Variants in ATXN7L1 observed in about 807,000 individuals in gnomAD.
The protein encoded by ATXN7L1 is ataxin-7-like protein 1.
ATXN7L1 carries 15 observed loss-of-function variants against 70.8 expected under a neutral mutation model. The ratio of observed to expected loss-of-function variants is 0.21; its 90% CI spans 0.14 to 0.33. The LOEUF (loss-of-function observed/expected upper bound fraction) is 0.33, where lower values mean the gene tolerates loss of function less well. ATXN7L1 is among the 10% of genes least tolerant of loss of function. The pLI is 1.00. For missense variants in ATXN7L1, 975 were observed against 1,097.1 expected, an observed-to-expected ratio of 0.89 and a Z score of 1.57; for synonymous variants, 440 against 445.1, an observed-to-expected ratio of 0.99 and a Z score of 0.14.
chr7:105,703,472 T>C lies in ATXN7L1; in HGVS notation c.356-38184A>G, dbSNP rs189798497. ...AGCCACATTCCAAATGTGGCCAGTTTAAGTTTTTCTGTTATCCATATTTGG... is the reference window on the plus strand; with the variant it reads ...AGCCACATTCCAAATGTGGCCAGTTCAAGTTTTTCTGTTATCCATATTTGG... On this transcript the variant is annotated intron_variant, in intron 3 of 11. Coordinates refer to ENST00000419735, the MANE Select transcript of ATXN7L1 (RefSeq NM_020725.2). Among the ~76,000 whole-genome samples the C allele has an allele frequency of 4.2e-3, 638 of 152,356 alleles. 9 individuals carry two copies. Among genetic ancestry groups the C allele is most frequent in the African/African-American group, 0.014 (592 of 41,584 alleles).
chr7:105,700,410 G>A (rs1792289449), intron 3 of ATXN7L1, among the ~76,000 whole-genome samples: 1 of 150,422 alleles, frequency 6.6e-6, no homozygotes, highest in Non-Finnish European at 1.5e-5. Flanking sequence ...AGGAGGCTGA[G>A]GCAGGAGAAT....
chr7:105,872,850 A>C (rs1025826734), intron 2 of ATXN7L1, among the ~76,000 whole-genome samples: 1 of 152,182 alleles, frequency 6.6e-6, no homozygotes, highest in Non-Finnish European at 1.5e-5. Context: ...CAAAAAAAAA[A>C]AAACATCAAA....
At chr7:105,661,534 G>C (rs1801610156) in intron 4 of ATXN7L1, among the ~76,000 whole-genome samples, 1 of 152,182 alleles carries the variant, frequency 6.6e-6, no homozygotes, top group African/African-American at 2.4e-5. Flanking sequence ...GAAGTAAAGT[G>C]ACTTTTTCAA....
rs992746013 is a variant in ATXN7L1, at chr7:105,644,948, G to A, written c.579-1827C>T. ...TTAAAAAGGAAGGAAATTCTGACAC[G>A]GGCAGGAGCCTTGAAGACATTATGT... On this transcript the variant is annotated intron_variant, in intron 4 of 11. Coordinates refer to ENST00000419735, the MANE Select transcript of ATXN7L1 (RefSeq NM_020725.2). Among the ~76,000 whole-genome samples the A allele has an allele frequency of 1.3e-5, 2 of 152,178 alleles. 1 individual carries two copies. The highest frequency in any genetic ancestry group is 4.1e-4 in the South Asian group (2 of 4,828).
intron 3 of ATXN7L1, among the ~76,000 whole-genome samples, chr7:105,745,713 T>C (rs1409805616): frequency 6.6e-6 from 1 of 152,140 alleles, no homozygotes; most frequent in Non-Finnish European, 1.5e-5. Flanking sequence ...GCTGGGCCTG[T>C]TGGGAGGGGC....
chr7:105,666,944 C>T (rs1802697551), intron 3 of ATXN7L1, among the ~76,000 whole-genome samples: 1 of 152,174 alleles, frequency 6.6e-6, no homozygotes, highest in Non-Finnish European at 1.5e-5. Flanking sequence ...GTGTCTTTAT[C>T]TGTGAATGAA....
chr7:105,664,575 G>GTGTATGTGTGTATATATATATATATATA, intron 4 of ATXN7L1, among the ~76,000 whole-genome samples: 4 of 131,986 alleles, frequency 3.0e-5, no homozygotes, highest in African/African-American at 8.5e-5. Flanking sequence ...GTATGTGTGT[G>GTGTATGTGTGTATATATATATATATATA]TATATATATA....
chr7:105,789,231 A>T (rs1804770802), intron 2 of ATXN7L1, among the ~76,000 whole-genome samples: 1 of 152,186 alleles, frequency 6.6e-6, no homozygotes, highest in African/African-American at 2.4e-5. Context: ...GAAGTGGCTC[A>T]TTTGCTGCCA....
intron 2 of ATXN7L1, among the ~76,000 whole-genome samples, chr7:105,872,079 G>A (rs1302624060): frequency 3.3e-5 from 5 of 151,272 alleles, no homozygotes; most frequent in South Asian, 2.1e-4. Context: ...TGCAAGCTCC[G>A]CCTCCCGGGT....
At chr7:105,660,060 C>T (rs1801342153) in intron 4 of ATXN7L1, among the ~76,000 whole-genome samples, 1 of 152,056 alleles carries the variant, frequency 6.6e-6, no homozygotes, top group Non-Finnish European at 1.5e-5. Flanking sequence ...TCCAGCCCTA[C>T]ATATGACCAG....
chr7:105,689,102 G>C (rs755507032), intron 3 of ATXN7L1, among the ~76,000 whole-genome samples: 5 of 152,152 alleles, frequency 3.3e-5, no homozygotes, highest in African/African-American at 4.8e-5. Flanking sequence ...CTGGTCTCTA[G>C]GTTCTGCCTG....
At chr7:105,749,289 A>G (rs1584914432) in intron 3 of ATXN7L1, among the ~76,000 whole-genome samples, 1 of 151,928 alleles carries the variant, frequency 6.6e-6, no homozygotes, top group African/African-American at 2.4e-5. Context: ...GAGAGTAAGG[A>G]AGGGTAAAAT....
At chr7:105,832,985 C>T (rs908802936) in intron 2 of ATXN7L1, among the ~76,000 whole-genome samples, 1 of 152,192 alleles carries the variant, frequency 6.6e-6, no homozygotes. Flanking sequence ...AGCAGATTCT[C>T]CACAGAGCAG....
At chr7:105,618,744 T>C (rs1259008997) in intron 9 of ATXN7L1, among the ~76,000 whole-genome samples, 1 of 152,228 alleles carries the variant, frequency 6.6e-6, no homozygotes, top group African/African-American at 2.4e-5. Flanking sequence ...CAATGGATGA[T>C]GATATCTTGA....
At chr7:105,846,044 A>G (rs1170765476) in intron 2 of ATXN7L1, among the ~76,000 whole-genome samples, 1 of 152,208 alleles carries the variant, frequency 6.6e-6, no homozygotes, top group Admixed American at 6.5e-5. Flanking sequence ...TATTTGATAA[A>G]CAGGACATCA....
intron 2 of ATXN7L1, among the ~76,000 whole-genome samples, chr7:105,820,335 A>C (rs55911516): frequency 6.6e-6 from 1 of 151,798 alleles, no homozygotes; most frequent in Non-Finnish European, 1.5e-5. Context: ...TAGCTTAGTG[A>C]CTTTCTAGAG....
At chr7:105,811,193 C>T (rs531096549) in intron 2 of ATXN7L1, among the ~76,000 whole-genome samples, 4 of 152,198 alleles carry the variant, frequency 2.6e-5, no homozygotes, top group East Asian at 1.9e-4. Flanking sequence ...CGTCCTTATA[C>T]GACGAGGAGA....
At chr7:105,692,913 G>C (rs1036965804) in intron 3 of ATXN7L1, among the ~76,000 whole-genome samples, 1 of 151,292 alleles carries the variant, frequency 6.6e-6, no homozygotes, top group East Asian at 1.9e-4. Context: ...TTGTAGACAC[G>C]GAGTCTTGCC....
intron 2 of ATXN7L1, among the ~76,000 whole-genome samples, chr7:105,808,720 G>A (rs1807980879): frequency 6.6e-6 from 1 of 152,216 alleles, no homozygotes. Flanking sequence ...TTCTACCTAA[G>A]TGACATAAAA....
Sources: allele counts gnomAD v4.1 joint callset (sites outside exome capture counted in the v4.1 genomes callset), GRCh38; gene constraint gnomAD v4.1.1; transcripts MANE v1.5; gene names NCBI Gene and HGNC (gene_info 2026-07-23, HGNC 2026-07-21).